CCDC15: variants seen among roughly 807,000 people sequenced by gnomAD.
CCDC15 encodes coiled-coil domain-containing protein 15.
A neutral mutation model predicts 114.5 loss-of-function variants in CCDC15; 105 were observed. That is an observed-to-expected ratio of 0.92 (90% CI 0.78 to 1.08). The LOEUF (loss-of-function observed/expected upper bound fraction) is 1.08, where lower values mean the gene tolerates loss of function less well. Ranked by LOEUF, CCDC15 falls within the 50% of genes least tolerant of loss-of-function variation. The pLI is 0.00. For synonymous variants in CCDC15, 334 were observed against 377.8 expected (o/e 0.88, Z 1.34); for missense variants, 1,105 against 1,093.6 (o/e 1.01, Z -0.15).
chr11:124,975,058 C>A, intron 4 of CCDC15, 38 bp from the exon 5 acceptor site: 1 of 1,339,012 alleles, frequency 7.5e-7, no homozygotes, highest in Non-Finnish European at 1.0e-6. Flanking sequence ...TAAAACTTAT[C>A]CTGCTTTTGT....
At chr11:125,015,965 G>A (rs1159371451) in intron 13 of CCDC15, among the ~76,000 whole-genome samples, 1 of 152,120 alleles carries the variant, frequency 6.6e-6, no homozygotes, top group East Asian at 1.9e-4. Flanking sequence ...GGACCAAATG[G>A]AAACAAAGCT....
At chr11:125,019,247 A>G (rs1374754030) in intron 13 of CCDC15, among the ~76,000 whole-genome samples, 1 of 152,050 alleles carries the variant, frequency 6.6e-6, no homozygotes, top group African/African-American at 2.4e-5. Flanking sequence ...TGTGTCAAGC[A>G]CTTCGCATAG....
rs1947625370 is a variant in CCDC15, at chr11:124,959,796, CCTTT to C, written c.328-15_328-12del. On this transcript the variant is annotated splice_polypyrimidine_tract_variant and intron_variant, in intron 3 of 15. Coordinates refer to ENST00000344762, the MANE Select transcript of CCDC15 (RefSeq NM_025004.3). ...GATTGGGGTAGAATGTTACTATCCC[CCTTT>C]CTTCTTTCGTGTAGGCACAAAAAGA... 6.4e-7 allele frequency: 1 copy of C among 1,566,116 alleles called. No individual in the cohort carries two copies. The highest frequency in any genetic ancestry group is 1.9e-5 in the Admixed American group (1 of 53,960).
intron 13 of CCDC15, among the ~76,000 whole-genome samples, chr11:125,034,372 G>A (rs1369740495): frequency 1.3e-5 from 2 of 152,164 alleles, no homozygotes; most frequent in Non-Finnish European, 2.9e-5. Flanking sequence ...GGCTGTGCAT[G>A]CACCTTTCAT....
chr11:125,040,173 A>G (rs1402494095), intron 15 of CCDC15, among the ~76,000 whole-genome samples: 2 of 151,798 alleles, frequency 1.3e-5, no homozygotes, highest in South Asian at 4.2e-4. Context: ...AATATCTGGG[A>G]TTACAGGTTT....
chr11:124,993,314 C>A, intron 11 of CCDC15, 71 bp downstream of exon 11: 1 of 1,024,044 alleles, frequency 9.8e-7, no homozygotes, highest in Non-Finnish European at 1.5e-6. Flanking sequence ...GAGTAAGTAA[C>A]AGAGTGTAAA....
At chr11:124,967,131 G>A (rs1042436417) in intron 4 of CCDC15, among the ~76,000 whole-genome samples, 1 of 152,098 alleles carries the variant, frequency 6.6e-6, no homozygotes, top group Non-Finnish European at 1.5e-5. Context: ...TGCTCTTCTC[G>A]AGGAGTATCT....
Position 124,991,483 on chromosome 11 carries a change from A to T in CCDC15, c.1931A>T (p.Tyr644Phe). ...TAGAAAGTACACTTTAAGGAGCCATACTCTGATATGACAGATGAGAAAGGG... is the reference window on the plus strand; with the variant it reads ...TAGAAAGTACACTTTAAGGAGCCATTCTCTGATATGACAGATGAGAAAGGG... Reference protein sequence around the residue: ...KYQKVHFKEPYSDMTDEKGRE... With the variant: ...KYQKVHFKEPFSDMTDEKGRE... Residue 644 changes from tyrosine (Y) to phenylalanine (F), a missense_variant, in exon 9 of 16, where the codon TAC becomes TTC. By Grantham distance (22) the Tyr-to-Phe change is conservative. Transcript: ENST00000344762. 1 of 1,591,350 alleles carries T rather than the reference A, an allele frequency of 6.3e-7. No individual in the cohort carries two copies. The highest frequency in any genetic ancestry group is 8.6e-7 in the Non-Finnish European group (1 of 1,162,066).
chr11:125,038,148 G>A, intron 13 of CCDC15: 1 of 188,714 alleles, frequency 5.3e-6, no homozygotes. Flanking sequence ...TGAAACTCCT[G>A]GCCTCATATG....
At position 125,003,901 on chromosome 11, in the gene CCDC15, A is replaced by C; in HGVS notation, c.2249A>C (p.Glu750Ala). 1.3e-6 allele frequency: 2 copies of C among 1,568,822 alleles called. No individual in the cohort carries two copies. Among genetic ancestry groups the C allele is most frequent in the Non-Finnish European group, 1.7e-6 (2 of 1,163,316 alleles). The change falls in exon 12 of 16, where the codon GAA becomes GCA. Residue 750 changes from glutamate (E) to alanine (A), a missense_variant. Coordinates refer to ENST00000344762, the MANE Select transcript of CCDC15 (RefSeq NM_025004.3). Reference sequence around the variant, plus strand: ...AGGTATCAATCAGGATTGAGCACTGAATTCCAAGCTCCACTGGCATTTCAG... The same window carrying C: ...AGGTATCAATCAGGATTGAGCACTGCATTCCAAGCTCCACTGGCATTTCAG... ...YDRYQSGLSTEFQAPLAFQSD... is the reference protein window; with the variant it reads ...YDRYQSGLSTAFQAPLAFQSD...
intron 11 of CCDC15, among the ~76,000 whole-genome samples, chr11:124,999,245 T>G (rs1948431199): frequency 6.6e-6 from 1 of 152,198 alleles, no homozygotes; most frequent in Non-Finnish European, 1.5e-5. Flanking sequence ...CTGGGCATAA[T>G]GTTTTTTAGT....
At chr11:125,033,645 AC>A (rs1371898352) in intron 13 of CCDC15, among the ~76,000 whole-genome samples, 5 of 151,990 alleles carry the variant, frequency 3.3e-5, no homozygotes, top group African/African-American at 1.2e-4. Flanking sequence ...ATCTCTCTAT[AC>A]CTTTGGATCC....
chr11:124,992,373 T>A (rs1309193093), intron 9 of CCDC15, among the ~76,000 whole-genome samples: 2 of 152,236 alleles, frequency 1.3e-5, no homozygotes, highest in African/African-American at 4.8e-5. Context: ...GATGAGTTTG[T>A]CAGACTATTC....
chr11:124,993,634 T>C (rs73020387), intron 11 of CCDC15, among the ~76,000 whole-genome samples: 5,439 of 152,224 alleles, frequency 0.036, 135 homozygotes, highest in Middle Eastern at 0.092. Context: ...GCGCCATGGA[T>C]ATATTTTACA....
chr11:124,985,118 G>T (rs926759413), intron 6 of CCDC15, among the ~76,000 whole-genome samples: 5 of 152,164 alleles, frequency 3.3e-5, no homozygotes, highest in Non-Finnish European at 5.9e-5. Context: ...ATCGTCTTTT[G>T]TGACTGTTTT....
At chr11:125,030,049 G>C (rs1948727525) in intron 13 of CCDC15, among the ~76,000 whole-genome samples, 1 of 152,118 alleles carries the variant, frequency 6.6e-6, no homozygotes, top group South Asian at 2.1e-4. Flanking sequence ...GTGCCTCCTG[G>C]TGGCAGCATT....
chr11:125,010,803 C>A (rs1263851057), intron 13 of CCDC15, among the ~76,000 whole-genome samples: 1 of 152,124 alleles, frequency 6.6e-6, no homozygotes, highest in Non-Finnish European at 1.5e-5. Context: ...TAGTTTGAGT[C>A]CCATTTATCA....
rs536425182 is a variant in CCDC15, at chr11:125,003,802, C to T, written c.2215-65C>T. Reference sequence around the variant, plus strand: ...AAAAGAAAAGAACAGATAAAAATATCAAAATTGTTCATGGGGTAGTTTTTG... The same window carrying T: ...AAAAGAAAAGAACAGATAAAAATATTAAAATTGTTCATGGGGTAGTTTTTG... On this transcript the variant is annotated intron_variant, in intron 11 of 15. Transcript: ENST00000344762. 26 of 857,654 alleles carry T rather than the reference C, an allele frequency of 3.0e-5. No individual in the cohort carries two copies. The East Asian group carries it at 5.5e-4, about 18-fold the overall frequency. 53.1% of individuals were successfully genotyped at this position (857,654 alleles called of 1,614,324 possible). A position where few individuals can be genotyped will look rare whatever the true frequency, so the allele number is the denominator to read the frequency against.
chr11:124,987,549 A>G lies in CCDC15; in HGVS notation c.1323A>G (p.Leu441=), dbSNP rs1262516782. 12 of 1,614,038 alleles carry G rather than the reference A, an allele frequency of 7.4e-6. No homozygotes were observed. Among genetic ancestry groups the G allele is most frequent in the African/African-American group, 2.7e-5 (2 of 75,068 alleles). The change falls in exon 8 of 16, where the codon CTA becomes CTG. Residue 441 remains leucine (L), a synonymous_variant. Transcript: ENST00000344762. Reference sequence around the variant, plus strand: ...TTCTCCCTAAAGACCAGAGTATTCTACTCAAATATCAGGACCAGGACTTCC... The same window carrying G: ...TTCTCCCTAAAGACCAGAGTATTCTGCTCAAATATCAGGACCAGGACTTCC... ...HCVLPKDQSI[L]LKYQDQDFLP...
Sources: gnomAD v4.1 joint callset for allele counts (sites outside exome capture counted in the v4.1 genomes callset) on GRCh38, gnomAD v4.1.1 for gene constraint, MANE v1.5 for transcripts, NCBI Gene and HGNC (gene_info 2026-07-23, HGNC 2026-07-21) for gene names.